AK1: variants seen among roughly 807,000 people sequenced by gnomAD.
The protein encoded by AK1 is adenylate kinase 1, also known as adenylate kinase isoenzyme 1.
In AK1, 13 loss-of-function variants were observed where a neutral mutation model predicts 23.9. The observed-to-expected ratio is 0.54, with a 90% CI of 0.35 to 0.86. AK1 has a LOEUF of 0.86. AK1 is among the 40% of genes least tolerant of loss of function. AK1 has a pLI of 0.01. For missense variants in AK1, 214 were observed against 255.1 expected, an observed-to-expected ratio of 0.84 and a Z score of 1.10; for synonymous variants, 97 against 102.8, an observed-to-expected ratio of 0.94 and a Z score of 0.34.
intron 4 of AK1, 78 bp downstream of exon 4, chr9:127,872,612 G>T: frequency 6.3e-7 from 1 of 1,589,046 alleles, no homozygotes; most frequent in Non-Finnish European, 8.6e-7. Context: ...CCTGTGTGCC[G>T]TGGGCTTTGC....
At chr9:127,875,707 C>T (rs1370422711) in intron 1 of AK1, among the ~76,000 whole-genome samples, 3 of 151,942 alleles carry the variant, frequency 2.0e-5, no homozygotes, top group Non-Finnish European at 2.9e-5. Flanking sequence ...AGGCTCTGAA[C>T]AGCCCTCCCC....
rs1829409853 is a variant in AK1 at position 127,871,570 on chromosome 9, C to G, written c.324+253G>C. ...GAGGTTCAGGAGGCAGAATGACTGGCCCAAGATCTCAAGCCGTTGAGCTGG... is the reference window on the plus strand; with the variant it reads ...GAGGTTCAGGAGGCAGAATGACTGGGCCAAGATCTCAAGCCGTTGAGCTGG... On this transcript the variant is annotated intron_variant, in intron 5 of 6. Transcript: ENST00000644144. The surrounding 1 kb of genome is among the most constrained non-coding windows in gnomAD (Gnocchi z 4.4). Among the ~76,000 whole-genome samples the G allele has an allele frequency of 6.6e-6, 1 of 151,618 alleles. No homozygotes were observed. Among genetic ancestry groups the G allele is most frequent in the Admixed American group, 6.6e-5 (1 of 15,258 alleles).
chr9:127,879,110 A>G (rs1338181033), upstream of AK1, among the ~76,000 whole-genome samples: 1 of 149,150 alleles, frequency 6.7e-6, no homozygotes, highest in Non-Finnish European at 1.5e-5. Flanking sequence ...CAGTCTTCAA[A>G]TGCGCCCTTC....
At position 127,870,890 on chromosome 9, in the gene AK1, C is replaced by T. The variant is rs549662449; in HGVS notation, c.324+933G>A. Among the ~76,000 whole-genome samples, 25 of 147,110 alleles carry T rather than the reference C, an allele frequency of 1.7e-4. 3 individuals carry two copies. The highest frequency in any genetic ancestry group is 6.5e-4 in the African/African-American group (24 of 36,832). ...GCCCACCAGGATGCTGGTTAGGCTC[C>T]CCCTAGCCCTTGCCGACCTCTCCCT... On this transcript the variant is annotated intron_variant, in intron 5 of 6. Coordinates refer to ENST00000644144, the MANE Select transcript of AK1 (RefSeq NM_000476.3).
chr9:127,873,533 TG>T, intron 2 of AK1: 1 of 1,440,390 alleles, frequency 6.9e-7, no homozygotes, highest in Non-Finnish European at 9.1e-7. Flanking sequence ...CCCCCGGCAG[TG>T]GGGGCTTAGC....
At chr9:127,872,559 C>T (rs1829437724) in intron 4 of AK1, 131 bp downstream of exon 4, 1 of 1,256,422 alleles carries the variant, frequency 8.0e-7, no homozygotes, top group African/African-American at 1.5e-5. Flanking sequence ...CAATGGGGAA[C>T]CACAGAAGGG....
chr9:127,873,357 G>C, intron 2 of AK1: 1 of 1,561,396 alleles, frequency 6.4e-7, no homozygotes, highest in South Asian at 1.2e-5. Context: ...CCCTCATGGC[G>C]CCTCCCTGTG....
rs375709414 is a variant in AK1, at chr9:127,874,737, G to A, written c.-32-88C>T. On this transcript the variant is annotated intron_variant, in intron 1 of 6. Coordinates refer to ENST00000644144, the MANE Select transcript of AK1 (RefSeq NM_000476.3). ...AAGCCACACCCAAGGCAACTGGTGT[G>A]TGCCAGGCCCGACATGCAGTCTGAG... is the stretch of plus-strand genomic sequence containing the variant. 99 of 1,331,444 alleles carry A rather than the reference G, an allele frequency of 7.4e-5. 1 individual carries two copies. In the East Asian group the frequency reaches 1.3e-3, roughly 18 times the overall value. 82.5% of individuals were successfully genotyped at this position (1,331,444 alleles called of 1,614,324 possible).
chr9:127,869,978 G>A (rs1829349971), intron 5 of AK1, among the ~76,000 whole-genome samples: 1 of 152,176 alleles, frequency 6.6e-6, no homozygotes, highest in Admixed American at 6.5e-5. Context: ...ATCTAGCCCG[G>A]GGAGTCCACA....
rs1035647436 is a variant in AK1 at position 127,871,638 on chromosome 9, C to T, written c.324+185G>A. 6.6e-6 allele frequency among the ~76,000 whole-genome samples: 1 copy of T among 151,558 alleles called. No homozygotes were observed. Among genetic ancestry groups the T allele is most frequent in the East Asian group, 1.9e-4 (1 of 5,204 alleles). On this transcript the variant is annotated intron_variant, in intron 5 of 6. Transcript: ENST00000644144. This position sits in a 1 kb window ranked among gnomAD's most constrained non-coding sequence, Gnocchi z 4.4. ...GGCAACTGCCCCTCCTGGCGCTTCC[C>T]CTTCTACACATTTTCTTCTACACTT...
At position 127,868,288 on chromosome 9, in the gene AK1, TC is replaced by T; in HGVS notation, c.516+32del. ...GCGGAGCCACATAGGAACCCGTTCT[TC>T]CCGGAGCTGCCCCTGGGCCCGCGGG... On this transcript the variant is annotated intron_variant, in intron 6 of 6. Transcript: ENST00000644144. The surrounding 1 kb of genome is among the most constrained non-coding windows in gnomAD (Gnocchi z 4.1). The T allele has an allele frequency of 1.3e-6, 2 of 1,552,988 alleles. No homozygotes were observed. Among genetic ancestry groups the T allele is most frequent in the Non-Finnish European group, 1.7e-6 (2 of 1,148,134 alleles).
chr9:127,875,160 G>C (rs541883988), intron 1 of AK1, among the ~76,000 whole-genome samples: 122 of 152,192 alleles, frequency 8.0e-4, no homozygotes, highest in Non-Finnish European at 1.4e-3. Flanking sequence ...AGAGGCCTGG[G>C]GTGAAGGAAT....
chr9:127,878,981 G>T (rs1454078239), upstream of AK1, among the ~76,000 whole-genome samples: 1 of 152,170 alleles, frequency 6.6e-6, no homozygotes, highest in African/African-American at 2.4e-5. Flanking sequence ...GGAGGACGAG[G>T]TGGGAGGATC....
chr9:127,872,967 G>A (rs928956801), intron 3 of AK1, 59 bp downstream of exon 3: 24 of 1,613,378 alleles, frequency 1.5e-5, no homozygotes, highest in Middle Eastern at 1.7e-4. Context: ...CCCCAGGCCC[G>A]GGCTCCCTCC....
In AK1 at chr9:127,872,009, C is replaced by T. The variant is rs1443560612; in HGVS notation, c.208-70G>A. ...CATCCCTTCTCCCAGCCTCTGCTCA[C>T]GCTGCTCCTGCCACCTGAAATGCCC... On this transcript the variant is annotated intron_variant, in intron 4 of 6. Transcript: ENST00000644144. The T allele has an allele frequency of 2.4e-5, 33 of 1,349,374 alleles. 1 individual carries two copies. The highest frequency in any genetic ancestry group is 1.9e-4 in the South Asian group (16 of 85,514). The allele number at this position is 1,349,374 out of a possible 1,614,324, so 83.6% of individuals were successfully genotyped here.
In AK1 at chr9:127,867,303, A is replaced by T. The variant is rs10987763; in HGVS notation, c.*705T>A. The T allele has an allele frequency of 2.0e-5, 3 of 152,302 alleles. No homozygotes were observed. Among genetic ancestry groups the T allele is most frequent in the Admixed American group, 2.0e-4 (3 of 15,282 alleles). 9.4% of individuals were successfully genotyped at this position (152,302 alleles called of 1,614,324 possible). ...TGGGATTACAGGCATGAGCCACCTC[A>T]TTGGGCCTCCCCCATTCAATTTCAG... On this transcript the variant is annotated 3_prime_UTR_variant, in exon 7 of 7. Transcript: ENST00000644144.
At position 127,873,383 on chromosome 9, in the gene AK1, G is replaced by A. The variant is rs1268226044; in HGVS notation, c.8-322C>T. ...CCTCCCTGTGGGTGCCTGGACCCCG[G>A]GGCCGGTCACCTCTGGCTCTCAGAT... On this transcript the variant is annotated intron_variant, in intron 2 of 6. Coordinates refer to ENST00000644144, the MANE Select transcript of AK1 (RefSeq NM_000476.3). 9.5e-6 allele frequency: 15 copies of A among 1,579,002 alleles called. No individual in the cohort carries two copies. The East Asian group carries it at 3.0e-4, about 32-fold the overall frequency.
In AK1 at chr9:127,868,977, C is replaced by T. The variant is rs113229034; in HGVS notation, c.325-465G>A. ...CGCCTCCTGGAACAGGCTCTTCCAG[C>T]GCCTTTATCTTTCCTTAAGCAGGTC... is the stretch of plus-strand genomic sequence containing the variant. On this transcript the variant is annotated intron_variant, in intron 5 of 6. Transcript: ENST00000644144. This position sits in a 1 kb window ranked among gnomAD's most constrained non-coding sequence, Gnocchi z 4.1. Among the ~76,000 whole-genome samples, 7 of 152,302 alleles carry T rather than the reference C, an allele frequency of 4.6e-5. 1 individual carries two copies. Among genetic ancestry groups the T allele is most frequent in the African/African-American group, 1.2e-4 (5 of 41,562 alleles).
intron 2 of AK1, chr9:127,874,243 A>T: frequency 1.0e-6 from 1 of 985,350 alleles, no homozygotes; most frequent in Non-Finnish European, 1.2e-6. Flanking sequence ...GCCCACCCTC[A>T]CTGGATGATA....
Sources: gnomAD v4.1 joint callset for allele counts (sites outside exome capture counted in the v4.1 genomes callset) on GRCh38, gnomAD v4.1.1 for gene constraint, Gnocchi (gnomAD v3.1) non-coding constraint, MANE v1.5 for transcripts, NCBI Gene and HGNC (gene_info 2026-07-23, HGNC 2026-07-21) for gene names.